HSPA12A: variants seen among roughly 807,000 people sequenced by gnomAD.
The protein encoded by HSPA12A is heat shock protein family A (Hsp70) member 12A.
A neutral mutation model predicts 69.2 loss-of-function variants in HSPA12A; 28 were observed. The observed-to-expected ratio is 0.40, with a 90% CI of 0.30 to 0.55. HSPA12A has a LOEUF of 0.55. Ranked by LOEUF, HSPA12A falls within the 20% of genes least tolerant of loss-of-function variation. HSPA12A has a pLI of 0.38. For missense variants in HSPA12A, 686 were observed against 900.7 expected (o/e 0.76, Z 3.05); for synonymous variants, 345 against 370.5 (o/e 0.93, Z 0.79).
chr10:116,833,285 A>T (rs1483779241), intron 2 of HSPA12A: 1 of 152,258 alleles, frequency 6.6e-6, no homozygotes, highest in African/African-American at 2.4e-5. Context: ...AGGAACTGCC[A>T]GTTCGTCAAA....
chr10:116,783,657 T>C (rs1240275400), intron 2 of HSPA12A, among the ~76,000 whole-genome samples: 15 of 152,168 alleles, frequency 9.9e-5, no homozygotes, highest in Admixed American at 9.8e-4. Context: ...GTCTGTGATA[T>C]AGTCTTAAGT....
chr10:116,764,795 C>T (rs1844042893), intron 2 of HSPA12A, among the ~76,000 whole-genome samples: 1 of 152,120 alleles, frequency 6.6e-6, no homozygotes, highest in Non-Finnish European at 1.5e-5. Flanking sequence ...TACTATCCAT[C>T]ATATGAGTAG....
intron 5 of HSPA12A, among the ~76,000 whole-genome samples, chr10:116,697,605 G>C (rs1849949710): frequency 1.3e-5 from 2 of 152,222 alleles, no homozygotes. Flanking sequence ...AGTTAGGAAA[G>C]TGGATCTTGG....
intron 2 of HSPA12A, among the ~76,000 whole-genome samples, chr10:116,790,491 C>T (rs372115262): frequency 6.6e-5 from 10 of 152,156 alleles, no homozygotes; most frequent in African/African-American, 9.6e-5. Flanking sequence ...CTGTTCCTGA[C>T]GCTCCCCGAA....
intron 6 of HSPA12A, among the ~76,000 whole-genome samples, chr10:116,687,930 G>T (rs1322116859): frequency 1.3e-5 from 2 of 152,126 alleles, no homozygotes. Flanking sequence ...GGCCCAGGAC[G>T]ACTTTGGATG....
At chr10:116,806,693 G>A (rs887644579) in intron 2 of HSPA12A, among the ~76,000 whole-genome samples, 3 of 152,218 alleles carry the variant, frequency 2.0e-5, no homozygotes, top group African/African-American at 7.2e-5. Flanking sequence ...CTGGCTCACA[G>A]TGCTAAGGGG....
Position 116,679,603 on chromosome 10 carries a change from CT to C in HSPA12A, c.1185del (p.Asp396ThrfsTer6). 1 of 1,614,248 alleles carries C rather than the reference CT, an allele frequency of 6.2e-7. No homozygotes were observed. The highest frequency in any genetic ancestry group is 8.5e-7 in the Non-Finnish European group (1 of 1,180,058). The part of the protein sequence containing the change: ...AFESRKRAAA[P>X]DRTNPLNITL... ...GTGATGTTCAGCGGGTTAGTTCTGT[CT>C]GGGGCAGCCGCCCTTTTGCGAGACT... is the stretch of plus-strand genomic sequence containing the variant. On this transcript the variant is annotated frameshift_variant, in exon 10 of 12. Transcript: ENST00000369209. LOFTEE classifies it high-confidence loss of function.
rs1554878294 is a variant in HSPA12A, at chr10:116,679,635, G to A, written c.1154C>T (p.Ala385Val). 1.9e-6 allele frequency: 3 copies of A among 1,614,214 alleles called. No individual in the cohort carries two copies. Among genetic ancestry groups the A allele is most frequent in the African/African-American group, 1.3e-5 (1 of 75,054 alleles). Residue 385 changes from alanine to valine, a missense_variant, in exon 10 of 12, where the codon GCG becomes GTG. Ala to Val is a moderately conservative substitution (Grantham distance 64). Coordinates refer to ENST00000369209, the MANE Select transcript of HSPA12A (RefSeq NM_025015.3). ...RPAAWVDLMI[A>V]FESRKRAAAP... ...AGCCGCCCTTTTGCGAGACTCAAAC[G>A]CAATCATTAAGTCAACCCAGGCTGC...
rs3034012 is a variant in HSPA12A at position 116,732,328 on chromosome 10, C to CAAAGAAAGAAAGAAAGAAAGAAAG, written c.40+10078_40+10101dup. Among the ~76,000 whole-genome samples the CAAAGAAAGAAAGAAAGAAAGAAAG allele has an allele frequency of 3.0e-3, 371 of 124,146 alleles. 22 individuals are homozygous for CAAAGAAAGAAAGAAAGAAAGAAAG. The highest frequency in any genetic ancestry group is 9.3e-3 in the African/African-American group (342 of 36,780). The allele number at this position is 124,146 out of a possible 152,430, so 81.4% of individuals were successfully genotyped here. ...CTGGGTGACTCCGTCTCAAAAAAAA[C>CAAAGAAAGAAAGAAAGAAAGAAAG]AAAGAAAGAAAGAAAGAAAGAAAGA... is the stretch of plus-strand genomic sequence containing the variant. On this transcript the variant is annotated intron_variant, in intron 1 of 11. Transcript: ENST00000369209.
Position 116,817,401 on chromosome 10 carries a change from C to A in HSPA12A, c.91+17534G>T, listed in dbSNP as rs921225462. On this transcript the variant is annotated intron_variant, in intron 2 of 12. Transcript: ENST00000635765. ...GGCTTCTGTGCTGGGTGCTAACCCT[C>A]GGCACAGCCTTCTGCGGTGACCTTA... Among the ~76,000 whole-genome samples the A allele has an allele frequency of 2.6e-5, 4 of 152,144 alleles. No individual in the cohort carries two copies. The East Asian group carries it at 7.7e-4, about 29-fold the overall frequency.
intron 2 of HSPA12A, among the ~76,000 whole-genome samples, chr10:116,816,572 C>G (rs1009277745): frequency 6.6e-6 from 1 of 152,222 alleles, no homozygotes; most frequent in African/African-American, 2.4e-5. Context: ...TAACCTTAAG[C>G]TGGTGAGACA....
intron 1 of HSPA12A, among the ~76,000 whole-genome samples, chr10:116,840,804 C>T (rs1283898168): frequency 6.6e-6 from 1 of 152,036 alleles, no homozygotes; most frequent in African/African-American, 2.4e-5. Context: ...AGATAGAGTA[C>T]AAATATTTGG....
chr10:116,795,191 G>C lies in HSPA12A; in HGVS notation c.91+39744C>G, dbSNP rs556493094. Among the ~76,000 whole-genome samples the C allele has an allele frequency of 2.6e-5, 4 of 152,180 alleles. No homozygotes were observed. The South Asian group carries it at 8.3e-4, about 32-fold the overall frequency. Reference sequence around the variant, plus strand: ...ACATGGCCTTCTTCCACCCTGCAAGGAAAGGTCCCTTCCATTCCCAAGGCA... The same window carrying C: ...ACATGGCCTTCTTCCACCCTGCAAGCAAAGGTCCCTTCCATTCCCAAGGCA... On this transcript the variant is annotated intron_variant, in intron 2 of 12. Coordinates refer to the HSPA12A transcript ENST00000635765.
chr10:116,718,298 A>T (rs1850668101), intron 1 of HSPA12A, among the ~76,000 whole-genome samples: 1 of 151,998 alleles, frequency 6.6e-6, no homozygotes, highest in South Asian at 2.1e-4. Flanking sequence ...CCAAACACTC[A>T]CCACCTGTCC....
intron 1 of HSPA12A, among the ~76,000 whole-genome samples, chr10:116,709,276 A>G (rs1471993756): frequency 1.3e-5 from 2 of 152,062 alleles, no homozygotes; most frequent in African/African-American, 2.4e-5. Flanking sequence ...GTGAAACTCC[A>G]TCTCTACTTA....
chr10:116,844,173 C>T (rs1845844560), intron 1 of HSPA12A, among the ~76,000 whole-genome samples: 1 of 152,218 alleles, frequency 6.6e-6, no homozygotes, highest in African/African-American at 2.4e-5. Flanking sequence ...CAAATTCCAT[C>T]TCCCCTATTT....
At chr10:116,782,889 T>A (rs1765523736) in intron 2 of HSPA12A, among the ~76,000 whole-genome samples, 1 of 152,142 alleles carries the variant, frequency 6.6e-6, no homozygotes, top group African/African-American at 2.4e-5. Context: ...CCAGGCCTGA[T>A]GCCTGGCAAC....
chr10:116,832,470 AG>A (rs1340206885), intron 2 of HSPA12A: 4 of 152,342 alleles, frequency 2.6e-5, no homozygotes, highest in Non-Finnish European at 5.9e-5. Context: ...CTGGCTGCAA[AG>A]GGTCTTTTCA....
In HSPA12A at chr10:116,834,886, T is replaced by C. The variant is rs1235283900; in HGVS notation, c.91+49A>G. On this transcript the variant is annotated intron_variant, in intron 2 of 12. Coordinates refer to the HSPA12A transcript ENST00000635765. ...CGACAGGAATGAGGTTCTGGGGCAG[T>C]TATTTCAGATGCCAGTTTGATACTT... The C allele has an allele frequency of 6.5e-6, 7 of 1,068,938 alleles. No individual in the cohort carries two copies. The East Asian group carries it at 2.3e-4, about 35-fold the overall frequency. The allele number at this position is 1,068,938 out of a possible 1,614,324, so 66.2% of individuals were successfully genotyped here.
Sources: allele counts gnomAD v4.1 joint callset (sites outside exome capture counted in the v4.1 genomes callset), GRCh38; gene constraint gnomAD v4.1.1; transcripts MANE v1.5; gene names NCBI Gene and HGNC (gene_info 2026-07-23, HGNC 2026-07-21).